The following NF1 variants were observed in gnomAD, a reference collection of about 807,000 sequenced individuals.
NF1 encodes the protein neurofibromin.
In NF1, 122 loss-of-function variants were observed where a neutral mutation model predicts 325.7. That is an observed-to-expected ratio of 0.37 (90% CI 0.32 to 0.44). The LOEUF (loss-of-function observed/expected upper bound fraction) is 0.44. Among genes scored for constraint, NF1 ranks in the 20% least tolerant of loss-of-function variants. NF1 has a pLI of 1.00. For missense variants in NF1, 2,140 were observed against 3,415.4 expected, an observed-to-expected ratio of 0.63 and a Z score of 9.31; for synonymous variants, 1,091 against 1,186.0, an observed-to-expected ratio of 0.92 and a Z score of 1.65.
intron 44 of NF1, 63 bp from the exon 45 acceptor site, chr17:31,337,962 T>C (rs755228034): frequency 6.5e-7 from 1 of 1,534,520 alleles, no homozygotes; most frequent in Non-Finnish European, 9.0e-7. Flanking sequence ...AATGTTATAA[T>C]TTATTATTTA....
Position 31,248,920 on chromosome 17 carries a change from A to G in NF1, c.3975-64A>G, listed in dbSNP as rs2067446318. ...AATGTCTGTATAAGAGTCTCTTTTA[A>G]GGAGTGATTTTTGTTATTTGTTTTA... On this transcript the variant is annotated intron_variant, in intron 29 of 57. Coordinates refer to ENST00000358273, the MANE Select transcript of NF1 (RefSeq NM_001042492.3). 4 of 1,541,686 alleles carry G rather than the reference A, an allele frequency of 2.6e-6. No individual in the cohort carries two copies. The South Asian group carries it at 4.5e-5, about 17-fold the overall frequency.
chr17:31,283,684 G>A (rs552600663), intron 36 of NF1, among the ~76,000 whole-genome samples: 6 of 152,140 alleles, frequency 3.9e-5, no homozygotes, highest in African/African-American at 1.4e-4. Context: ...GTAGAGACAG[G>A]GTTTGTCATG....
chr17:31,283,597 G>C (rs2068167302), intron 36 of NF1, among the ~76,000 whole-genome samples: 1 of 151,994 alleles, frequency 6.6e-6, no homozygotes, highest in Non-Finnish European at 1.5e-5. Context: ...TGGAACTACA[G>C]GTGTGCACCA....
chr17:31,139,827 T>C (rs1291332737), intron 1 of NF1, among the ~76,000 whole-genome samples: 1 of 152,194 alleles, frequency 6.6e-6, no homozygotes, highest in African/African-American at 2.4e-5. Flanking sequence ...AGAAATATTA[T>C]TTTACAGTTC....
chr17:31,249,164 T>G, intron 30 of NF1, 45 bp downstream of exon 30: 1 of 1,596,202 alleles, frequency 6.3e-7, no homozygotes. Flanking sequence ...TAAAGTTAAA[T>G]TATGAAGAAT....
chr17:31,248,602 T>C (rs2067440582), intron 29 of NF1, among the ~76,000 whole-genome samples: 1 of 152,218 alleles, frequency 6.6e-6, no homozygotes, highest in African/African-American at 2.4e-5. Context: ...TGGTGCAGTC[T>C]TGGCTCACTG....
At chr17:31,149,923 C>G (rs570654284) in intron 1 of NF1, among the ~76,000 whole-genome samples, 3 of 152,276 alleles carry the variant, frequency 2.0e-5, no homozygotes, top group East Asian at 3.9e-4. Flanking sequence ...AAAGTGACCA[C>G]TGGTCCAAAG....
intron 51 of NF1, among the ~76,000 whole-genome samples, chr17:31,353,238 C>T (rs1050294055): frequency 2.0e-5 from 3 of 152,176 alleles, no homozygotes; most frequent in Admixed American, 6.5e-5. Flanking sequence ...ATTAAGATTG[C>T]TCAGTTACAT....
Position 31,350,193 on chromosome 17 carries a change from A to G in NF1, c.7332A>G (p.Thr2444=), listed in dbSNP as rs759005886. 13 of 1,613,892 alleles carry G rather than the reference A, an allele frequency of 8.1e-6. No individual in the cohort carries two copies. The Admixed American group carries it at 8.3e-5, about 10-fold the overall frequency. ...CCGTTTTCCTTTTAGCTTTACTTACAGTGTCTGAAGAAGTTCGAAGTCGCT... is the reference window on the plus strand; with the variant it reads ...CCGTTTTCCTTTTAGCTTTACTTACGGTGTCTGAAGAAGTTCGAAGTCGCT... ...QSVAYLAALL[T]VSEEVRSRCS... Residue 2444 remains threonine (T), a synonymous_variant, in exon 50 of 58, where the codon ACA becomes ACG. Transcript: ENST00000358273.
chr17:31,357,310 A>C lies in NF1; in HGVS notation c.7911A>C (p.Arg2637=). 2 of 1,614,056 alleles carry C rather than the reference A, an allele frequency of 1.2e-6. No individual in the cohort carries two copies. The highest frequency in any genetic ancestry group is 2.2e-5 in the South Asian group (2 of 91,078). Residue 2637 remains arginine, a synonymous_variant, in exon 54 of 58, where the codon CGA becomes CGC. Coordinates refer to ENST00000358273, the MANE Select transcript of NF1 (RefSeq NM_001042492.3). ...VKYTTDEFDQ[R]ILYEYLAEAS... ...ATACCACAGATGAGTTTGATCAACG[A>C]ATTCTTTATGAATACTTAGCAGAGG...
chr17:31,254,995 A>G (rs917836416), intron 31 of NF1, among the ~76,000 whole-genome samples: 1 of 152,180 alleles, frequency 6.6e-6, no homozygotes, highest in South Asian at 2.1e-4. Flanking sequence ...TTGGGTGTAT[A>G]TGTCATGGAT....
chr17:31,330,732 T>G (rs2069460388), intron 39 of NF1: 1 of 547,200 alleles, frequency 1.8e-6, no homozygotes, highest in Non-Finnish European at 3.2e-6. Flanking sequence ...CGGCAAGAGT[T>G]TGGTACTTTA....
rs267604792 is a variant in NF1, at chr17:31,326,147, T to C, written c.5163T>C (p.His1721=). The change falls in exon 37 of 58, where the codon CAT becomes CAC. Residue 1721 remains histidine, a synonymous_variant. Transcript: ENST00000358273. ...GGAAACTGGCTGAGCACATAGAGCA[T>C]GAACAACAGAAACTACCTGCTGCCA... The part of the protein sequence containing the change: ...CPGKLAEHIE[H]EQQKLPAATL... The C allele has an allele frequency of 1.9e-6, 3 of 1,612,998 alleles. No homozygotes were observed. In the South Asian group the frequency reaches 3.3e-5, roughly 18 times the overall value.
intron 47 of NF1, among the ~76,000 whole-genome samples, chr17:31,342,364 G>T (rs551355601): frequency 6.6e-6 from 1 of 152,156 alleles, no homozygotes; most frequent in Non-Finnish European, 1.5e-5. Flanking sequence ...CTGGGAGGCC[G>T]AGTTGGGAGG....
chr17:31,292,390 A>T (rs146400728), intron 36 of NF1, among the ~76,000 whole-genome samples: 4 of 152,246 alleles, frequency 2.6e-5, no homozygotes, highest in African/African-American at 9.6e-5. Flanking sequence ...TAAGAATATA[A>T]TTTCTTTGGA....
rs2069741543 is a variant in NF1, at chr17:31,338,689, C to A, written c.6820-15C>A. The A allele has an allele frequency of 1.3e-6, 2 of 1,560,926 alleles. No homozygotes were observed. The highest frequency in any genetic ancestry group is 1.7e-4 in the Middle Eastern group (1 of 5,840). The stretch of plus-strand genomic sequence containing the variant: ...TTCAATGAAAGTAAAATAAAAAATT[C>A]TGTTTTCCTAAAAGGCACTTGAGAG... On this transcript the variant is annotated splice_polypyrimidine_tract_variant and intron_variant, in intron 45 of 57. Coordinates refer to ENST00000358273, the MANE Select transcript of NF1 (RefSeq NM_001042492.3).
At chr17:31,145,830 G>A (rs1379169962) in intron 1 of NF1, among the ~76,000 whole-genome samples, 1 of 152,174 alleles carries the variant, frequency 6.6e-6, no homozygotes, top group Non-Finnish European at 1.5e-5. Flanking sequence ...ATGGGAAACT[G>A]GGTAGATTGT....
intron 31 of NF1, among the ~76,000 whole-genome samples, chr17:31,255,301 T>C (rs1394947526): frequency 6.6e-6 from 1 of 152,166 alleles, no homozygotes; most frequent in African/African-American, 2.4e-5. Flanking sequence ...TGGCCCAAGT[T>C]TGACCTTTTA....
At chr17:31,190,941 G>A (rs2066331853) in intron 8 of NF1, among the ~76,000 whole-genome samples, 1 of 152,150 alleles carries the variant, frequency 6.6e-6, no homozygotes, top group Admixed American at 6.5e-5. Context: ...TAAACTGTGT[G>A]ATGTGATGGA....
Sources: allele counts gnomAD v4.1 joint callset (sites outside exome capture counted in the v4.1 genomes callset), GRCh38; gene constraint gnomAD v4.1.1; transcripts MANE v1.5; gene names NCBI Gene and HGNC (gene_info 2026-07-23, HGNC 2026-07-21).